The following WWC1 variants were observed in gnomAD, a reference collection of about 807,000 sequenced individuals.
The protein encoded by WWC1 is WW and C2 domain containing 1, also known as protein KIBRA.
A neutral mutation model predicts 138.4 loss-of-function variants in WWC1; 55 were observed. The ratio of observed to expected loss-of-function variants is 0.40; its 90% CI spans 0.32 to 0.50. The LOEUF is 0.50. WWC1 is among the 20% of genes least tolerant of loss of function. The pLI, the probability that WWC1 is intolerant of heterozygous loss-of-function variation, is 0.72. For missense variants in WWC1, 1,226 were observed against 1,420.4 expected (o/e 0.86, Z 2.20); for synonymous variants, 524 against 564.9 (o/e 0.93, Z 1.03).
At chr5:168,369,086 G>C (rs1414347930) in intron 1 of WWC1, among the ~76,000 whole-genome samples, 1 of 152,204 alleles carries the variant, frequency 6.6e-6, no homozygotes, top group Non-Finnish European at 1.5e-5. Flanking sequence ...CTAGAGACCA[G>C]CCATCTTGCT....
chr5:168,410,883 G>GGC (rs2152841000), intron 8 of WWC1, among the ~76,000 whole-genome samples: 1 of 151,812 alleles, frequency 6.6e-6, no homozygotes, highest in Non-Finnish European at 1.5e-5. Context: ...AGGTGGTAGA[G>GGC]GCAGAATTTG....
chr5:168,453,898 T>A, intron 17 of WWC1, 70 bp from the exon 18 acceptor site: 1 of 1,590,828 alleles, frequency 6.3e-7, no homozygotes, highest in Non-Finnish European at 8.5e-7. Flanking sequence ...CTACCTTGGG[T>A]GTATTAAAGG....
intron 9 of WWC1, among the ~76,000 whole-genome samples, chr5:168,417,910 C>T (rs187591532): frequency 6.6e-6 from 1 of 152,308 alleles, no homozygotes; most frequent in Admixed American, 6.5e-5. Flanking sequence ...AAAGCCGCCC[C>T]AGCTGTCTTT....
intron 1 of WWC1, among the ~76,000 whole-genome samples, chr5:168,294,433 A>C (rs1769343212): frequency 6.6e-6 from 1 of 152,190 alleles, no homozygotes; most frequent in African/African-American, 2.4e-5. Context: ...AAAAACAAAA[A>C]ACCAGGGTTA....
intron 21 of WWC1, among the ~76,000 whole-genome samples, chr5:168,465,838 A>G (rs1757252589): frequency 6.6e-6 from 1 of 152,234 alleles, no homozygotes; most frequent in East Asian, 1.9e-4. Flanking sequence ...GATTACAGGC[A>G]TGAGCCAGCG....
At position 168,403,871 on chromosome 5, in the gene WWC1, T is replaced by TACACACACACACACAC. The variant is rs57788100; in HGVS notation, c.591-2302_591-2287dup. Among the ~76,000 whole-genome samples, 196 of 134,430 alleles carry TACACACACACACACAC rather than the reference T, an allele frequency of 1.5e-3. 3 individuals are homozygous for TACACACACACACACAC. Among genetic ancestry groups the TACACACACACACACAC allele is most frequent in the Middle Eastern group, 3.9e-3 (1 of 258 alleles). 88.2% of individuals were successfully genotyped at this position (134,430 alleles called of 152,430 possible). ...ATTTGGAAATCCTAAAACACATGCA[T>TACACACACACACACAC]ACACACACACACACACACACACACA... On this transcript the variant is annotated intron_variant, in intron 5 of 22. Transcript: ENST00000265293.
intron 1 of WWC1, among the ~76,000 whole-genome samples, chr5:168,312,611 G>A (rs957627378): frequency 2.1e-4 from 32 of 152,338 alleles, no homozygotes; most frequent in Admixed American, 1.8e-3. Flanking sequence ...GCAGGTGACC[G>A]CAATGGACTT....
intron 5 of WWC1, among the ~76,000 whole-genome samples, chr5:168,405,050 T>A (rs1000292654): frequency 2.6e-5 from 4 of 152,184 alleles, no homozygotes; most frequent in African/African-American, 9.7e-5. Flanking sequence ...CCATTTGATG[T>A]TCTTGACAAC....
chr5:168,357,370 G>C (rs746657379), intron 1 of WWC1, among the ~76,000 whole-genome samples: 44 of 149,438 alleles, frequency 2.9e-4, no homozygotes, highest in Admixed American at 6.0e-4. Context: ...ATTCTCCCCA[G>C]CACTGGAGCT....
intron 2 of WWC1, among the ~76,000 whole-genome samples, chr5:168,382,320 A>G (rs914387309): frequency 6.6e-6 from 1 of 152,226 alleles, no homozygotes; most frequent in African/African-American, 2.4e-5. Flanking sequence ...ATTCATGTAT[A>G]ATCAGAAGGC....
At chr5:168,440,254 A>G (rs1378638055) in intron 15 of WWC1, among the ~76,000 whole-genome samples, 2 of 152,216 alleles carry the variant, frequency 1.3e-5, no homozygotes, top group African/African-American at 2.4e-5. Context: ...CCACAATGAG[A>G]TACCACCTCA....
intron 3 of WWC1, among the ~76,000 whole-genome samples, chr5:168,395,063 G>T (rs1315563859): frequency 6.6e-6 from 1 of 152,288 alleles, no homozygotes; most frequent in African/African-American, 2.4e-5. Flanking sequence ...GCATCTTTTT[G>T]TCTCCAGGAT....
At chr5:168,445,744 T>A (rs1755200149) in intron 17 of WWC1, among the ~76,000 whole-genome samples, 1 of 144,408 alleles carries the variant, frequency 6.9e-6, no homozygotes, top group Non-Finnish European at 1.5e-5. Context: ...AGTCCAAGGC[T>A]ATCCAATTCT....
intron 1 of WWC1, among the ~76,000 whole-genome samples, chr5:168,304,301 TAAG>T (rs1334055431): frequency 1.3e-5 from 2 of 152,230 alleles, no homozygotes; most frequent in Non-Finnish European, 2.9e-5. Flanking sequence ...TGGTCATGCC[TAAG>T]AAGATAGACT....
chr5:168,401,495 C>T (rs558446223), intron 5 of WWC1, among the ~76,000 whole-genome samples: 2 of 152,290 alleles, frequency 1.3e-5, no homozygotes, highest in African/African-American at 2.4e-5. Context: ...ATCTCCAAGC[C>T]CTATTAGTTG....
At chr5:168,331,251 T>A (rs1009137688) in intron 1 of WWC1, among the ~76,000 whole-genome samples, 1 of 152,196 alleles carries the variant, frequency 6.6e-6, no homozygotes, top group African/African-American at 2.4e-5. Context: ...TTCAGCAAGA[T>A]TCAAAACAGT....
chr5:168,467,822 C>T lies in WWC1; in HGVS notation c.3151-18C>T, dbSNP rs778055134. 18 of 1,614,044 alleles carry T rather than the reference C, an allele frequency of 1.1e-5. No homozygotes were observed. The South Asian group carries it at 1.2e-4, about 11-fold the overall frequency. On this transcript the variant is annotated intron_variant, in intron 21 of 22. Transcript: ENST00000265293. ...GAGGCCCCCTCCACTGACTCAGGGC[C>T]TTGCTTGCTTTGCCCAGCAGATGGA... is the stretch of plus-strand genomic sequence containing the variant.
At chr5:168,437,813 A>C (rs1191344975) in intron 15 of WWC1, among the ~76,000 whole-genome samples, 3 of 152,108 alleles carry the variant, frequency 2.0e-5, no homozygotes, top group Non-Finnish European at 2.9e-5. Context: ...TTTTCCCCTC[A>C]TACCTCACAC....
At chr5:168,366,303 C>T (rs910408790) in intron 1 of WWC1, among the ~76,000 whole-genome samples, 10 of 152,134 alleles carry the variant, frequency 6.6e-5, no homozygotes, top group African/African-American at 1.2e-4. Context: ...GCATTTGTTC[C>T]GGAGAGAATC....
Sources: gnomAD v4.1 joint callset for allele counts (sites outside exome capture counted in the v4.1 genomes callset) on GRCh38, gnomAD v4.1.1 for gene constraint, MANE v1.5 for transcripts, NCBI Gene and HGNC (gene_info 2026-07-23, HGNC 2026-07-21) for gene names.